The following POLE variants were observed in gnomAD, a reference collection of about 807,000 sequenced individuals.
POLE encodes the protein DNA polymerase epsilon catalytic subunit A.
Under a neutral mutation model 279.2 loss-of-function variants are expected in POLE, and 188 were observed. The observed-to-expected ratio is 0.67, with a 90% CI of 0.60 to 0.76. The LOEUF is 0.76. POLE is among the 30% of genes least tolerant of loss of function. POLE has a pLI of 0.00. For missense variants in POLE, 2,703 were observed against 3,016.7 expected (o/e 0.90, Z 2.44); for synonymous variants, 1,214 against 1,172.5 (o/e 1.04, Z -0.72).
intron 20 of POLE, among the ~76,000 whole-genome samples, chr12:132,666,487 C>T (rs148681613): frequency 1.4e-3 from 217 of 152,312 alleles, no homozygotes; most frequent in Non-Finnish European, 2.4e-3. Context: ...GAGGCTGAGG[C>T]GGGAGGATCA....
intron 1 of POLE, among the ~76,000 whole-genome samples, chr12:132,682,784 T>A (rs2043196557): frequency 6.6e-6 from 1 of 151,712 alleles, no homozygotes; most frequent in African/African-American, 2.4e-5. Flanking sequence ...AAACCCCGTC[T>A]CTACTAAAAA....
intron 29 of POLE, 118 bp downstream of exon 29, chr12:132,657,018 G>T: frequency 3.6e-6 from 4 of 1,124,138 alleles, no homozygotes; most frequent in Non-Finnish European, 3.8e-6. Context: ...TTCAGAAAAA[G>T]TCCATTTTCG....
intron 29 of POLE, among the ~76,000 whole-genome samples, chr12:132,653,139 G>C (rs549452917): frequency 1.4e-4 from 22 of 152,230 alleles, no homozygotes; most frequent in East Asian, 5.8e-4. Flanking sequence ...CAGTGCTTTG[G>C]GGGGGGCCCA....
rs1202119014 is a variant in POLE, at chr12:132,639,789, T to A, written c.5379-491A>T. Among the ~76,000 whole-genome samples the A allele has an allele frequency of 6.6e-6, 1 of 152,062 alleles. No individual in the cohort carries two copies. The highest frequency in any genetic ancestry group is 1.5e-5 in the Non-Finnish European group (1 of 68,008). Reference sequence around the variant, plus strand: ...CAACATGGTGAAACCCCGTCTCTATTAAAAATACAAAAATTAGCTGGGCTA... The same window carrying A: ...CAACATGGTGAAACCCCGTCTCTATAAAAAATACAAAAATTAGCTGGGCTA... On this transcript the variant is annotated intron_variant, in intron 39 of 48. Coordinates refer to ENST00000320574, the MANE Select transcript of POLE (RefSeq NM_006231.4). This position sits in a 1 kb window ranked among gnomAD's most constrained non-coding sequence, Gnocchi z 4.7.
rs368303888 is a variant in POLE at position 132,673,232 on chromosome 12, G to C, written c.1405C>G (p.Leu469Val). 1 of 1,613,632 alleles carries C rather than the reference G, an allele frequency of 6.2e-7. No homozygotes were observed. The highest frequency in any genetic ancestry group is 1.3e-5 in the African/African-American group (1 of 74,944). ...AATGGGTGGACGTACTTCATGTACA[G>C]GTAGTAAGTGGCGACAGCATCTGAC... ...SVSDAVATYY[L>V]YMKYVHPFIF... Residue 469 changes from leucine (L) to valine (V), a missense_variant, in exon 14 of 49, where the codon CTG becomes GTG. Physicochemically the swap from Leu to Val is conservative, Grantham distance 32. Coordinates refer to ENST00000320574, the MANE Select transcript of POLE (RefSeq NM_006231.4).
At chr12:132,660,834 GTCT>G in intron 25 of POLE, 132 bp downstream of exon 25, 1 of 606,618 alleles carries the variant, frequency 1.6e-6, no homozygotes, top group South Asian at 2.9e-5. Context: ...TGCTCAGGAG[GTCT>G]TGGGATTTCA....
rs1060504043 is a variant in POLE, at chr12:132,664,031, T to C, written c.2679A>G (p.Pro893=). ...VKKPKVTISY[P]GAMLNIMVKE... ...TGACCATGATGTTCAACATGGCGCC[T>C]GGGTAGGAGATGGTCACTTTGGGCT... The change falls in exon 23 of 49, where the codon CCA becomes CCG. Residue 893 remains proline (P), a synonymous_variant. Transcript: ENST00000320574. The surrounding 1 kb of genome is among the most constrained non-coding windows in gnomAD (Gnocchi z 5.3). 6.2e-7 allele frequency: 1 copy of C among 1,614,188 alleles called. No individual in the cohort carries two copies. Among genetic ancestry groups the C allele is most frequent in the Non-Finnish European group, 8.5e-7 (1 of 1,180,030 alleles).
intron 29 of POLE, among the ~76,000 whole-genome samples, chr12:132,651,892 G>A (rs1488593433): frequency 1.3e-5 from 2 of 152,256 alleles, no homozygotes; most frequent in African/African-American, 4.8e-5. Flanking sequence ...CTCCAGTGGA[G>A]CCCTCGGATA....
In POLE at chr12:132,675,523, T is replaced by C. The variant is rs1565975340; in HGVS notation, c.1107-6A>G. 1.9e-6 allele frequency: 3 copies of C among 1,613,752 alleles called. No homozygotes were observed. Among genetic ancestry groups the C allele is most frequent in the Non-Finnish European group, 1.7e-6 (2 of 1,179,936 alleles). ...CCCGGGCCTCCACAAATGGCCTGGG[T>C]TGGAAAGAGGACAGACAAGCAAGTG... On this transcript the variant is annotated splice_region_variant and splice_polypyrimidine_tract_variant and intron_variant, in intron 11 of 48. Coordinates refer to ENST00000320574, the MANE Select transcript of POLE (RefSeq NM_006231.4). This position sits in a 1 kb window ranked among gnomAD's most constrained non-coding sequence, Gnocchi z 4.3.
chr12:132,658,089 A>G (rs1215049117), intron 26 of POLE, 119 bp from the exon 27 acceptor site: 4 of 696,830 alleles, frequency 5.7e-6, no homozygotes, highest in Non-Finnish European at 7.7e-6. Flanking sequence ...ACAAACATCA[A>G]TGTATACATC....
In POLE at chr12:132,659,231, GGGAGCCCTCACCTGTCCGTGATGGGA is replaced by G. The variant is rs1305732962; in HGVS notation, c.3275+38_3275+63del. Reference sequence around the variant, plus strand: ...GGAGCCCTCACCTCTCCGTGACGGAGGGAGCCCTCACCTGTCCGTGATGGGAGGAGCCCTCACCTCTCCGTGATGGG... The same window carrying G: ...GGAGCCCTCACCTCTCCGTGACGGAGGGAGCCCTCACCTCTCCGTGATGGG... On this transcript the variant is annotated intron_variant, in intron 26 of 48. Transcript: ENST00000320574. The G allele has an allele frequency of 9.9e-5, 151 of 1,522,124 alleles. No homozygotes were observed. The highest frequency in any genetic ancestry group is 2.4e-4 in the East Asian group (10 of 42,546). The allele number at this position is 1,522,124 out of a possible 1,614,324, so 94.3% of individuals were successfully genotyped here. A position where few individuals can be genotyped will look rare whatever the true frequency, so the allele number is the denominator to read the frequency against.
intron 45 of POLE, among the ~76,000 whole-genome samples, chr12:132,629,450 C>CT (rs2041894108): frequency 6.6e-6 from 1 of 152,230 alleles, no homozygotes; most frequent in African/African-American, 2.4e-5. Flanking sequence ...GCCAATGATC[C>CT]CAGACAGATC....
At chr12:132,686,589 G>T (rs546299655) in intron 1 of POLE, among the ~76,000 whole-genome samples, 1 of 152,054 alleles carries the variant, frequency 6.6e-6, no homozygotes, top group Non-Finnish European at 1.5e-5. Flanking sequence ...ACAAAAACTA[G>T]CCGGGCCTGG....
At chr12:132,643,738 C>T (rs537108514) in intron 33 of POLE, 99 bp downstream of exon 33, 41 of 1,472,100 alleles carry the variant, frequency 2.8e-5, no homozygotes, top group South Asian at 1.4e-4. Flanking sequence ...AGTCCACTGT[C>T]GCTGCTGTTC....
In POLE at chr12:132,634,206, T is replaced by C. The variant is rs2041989225; in HGVS notation, c.5984A>G (p.Tyr1995Cys). Residue 1995 changes from tyrosine to cysteine, a missense_variant, in exon 43 of 49, where the codon TAC becomes TGC. Tyr to Cys is a radical substitution (Grantham distance 194). This residue lies in a region of POLE where 1,551 missense variants were observed against 1,686.1 expected (regional missense o/e 0.92). Coordinates refer to ENST00000320574, the MANE Select transcript of POLE (RefSeq NM_006231.4). This position sits in a 1 kb window ranked among gnomAD's most constrained non-coding sequence, Gnocchi z 4.0. Reference sequence around the variant, plus strand: ...CTTACCTGAAACAATCATGAGGAAGTAGTTCTGGCAGGAGGCTGCCTGTGG... The same window carrying C: ...CTTACCTGAAACAATCATGAGGAAGCAGTTCTGGCAGGAGGCTGCCTGTGG... ...FLPQAASCQNYFLMIVSAYIV... is the reference protein window; with the variant it reads ...FLPQAASCQNCFLMIVSAYIV... The C allele has an allele frequency of 1.9e-6, 3 of 1,612,958 alleles. No individual in the cohort carries two copies. Among genetic ancestry groups the C allele is most frequent in the African/African-American group, 1.3e-5 (1 of 74,920 alleles).
Position 132,661,820 on chromosome 12 carries a change from A to G in POLE, c.2707-136T>C, listed in dbSNP as rs2042688734. The G allele has an allele frequency of 4.7e-6, 4 of 849,786 alleles. No individual in the cohort carries two copies. In the Admixed American group the frequency reaches 1.0e-4, roughly 22 times the overall value. The allele number at this position is 849,786 out of a possible 1,614,324, so 52.6% of individuals were successfully genotyped here. A position where few individuals can be genotyped will look rare whatever the true frequency, so the allele number is the denominator to read the frequency against. On this transcript the variant is annotated intron_variant, in intron 23 of 48. Transcript: ENST00000320574. This position sits in a 1 kb window ranked among gnomAD's most constrained non-coding sequence, Gnocchi z 4.1. ...ATAACTAACACGACTTGGCAGCAGG[A>G]AGGAAGGAAGTTCTGATGCATGCAA...
Position 132,639,162 on chromosome 12 carries a change from G to A in POLE, c.5515C>T (p.Arg1839Cys), listed in dbSNP as rs141519273. 1.2e-5 allele frequency: 19 copies of A among 1,613,998 alleles called. No homozygotes were observed. The highest frequency in any genetic ancestry group is 1.6e-4 in the Middle Eastern group (1 of 6,084). ...TTCTTCATCATGTTGTGGAGTGTGC[G>A]GTGCAGGGCAGGGTCATGAAGCAGA... ...SSLLHDPALHRTLHNMMKKLF... is the reference protein window; with the variant it reads ...SSLLHDPALHCTLHNMMKKLF... The change falls in exon 40 of 49, where the codon CGC becomes TGC. Residue 1839 changes from arginine to cysteine, a missense_variant. By Grantham distance (180) the Arg-to-Cys change is radical (BLOSUM62 -3). Around this residue, in one of 5 missense-constraint regions of POLE, gnomAD observed 1,551 missense variants for 1,686.1 expected, o/e 0.92. Transcript: ENST00000320574. The surrounding 1 kb of genome is among the most constrained non-coding windows in gnomAD (Gnocchi z 4.7).
At chr12:132,687,118 T>G in intron 1 of POLE, 136 bp downstream of exon 1, 1 of 376,968 alleles carries the variant, frequency 2.7e-6, no homozygotes, top group Non-Finnish European at 4.1e-6. Context: ...CGCGCCGCCC[T>G]ACCCCAGTCA....
Position 132,676,809 on chromosome 12 carries a change from C to T in POLE, c.802-156G>A, listed in dbSNP as rs995864977. On this transcript the variant is annotated intron_variant, in intron 8 of 48. Transcript: ENST00000320574. ...GACCCTAAGACTAACCAACCTACAT[C>T]AAGAGTATCACGACTCCCTATGGTA... Among the ~76,000 whole-genome samples the T allele has an allele frequency of 2.0e-5, 3 of 152,130 alleles. No homozygotes were observed. In the East Asian group the frequency reaches 5.8e-4, roughly 29 times the overall value.
Sources: allele counts gnomAD v4.1 joint callset (sites outside exome capture counted in the v4.1 genomes callset), GRCh38; gene constraint gnomAD v4.1.1; regional missense constraint gnomAD v4.1.1; non-coding constraint Gnocchi (gnomAD v3.1); transcripts MANE v1.5; gene names NCBI Gene and HGNC (gene_info 2026-07-23, HGNC 2026-07-21).